TBX4: variants seen among roughly 807,000 people sequenced by gnomAD.
TBX4 encodes the protein T-box transcription factor TBX4.
A neutral mutation model predicts 54.6 loss-of-function variants in TBX4; 13 were observed. That is an observed-to-expected ratio of 0.24 (90% CI 0.15 to 0.38). TBX4 has a LOEUF of 0.38. Ranked by LOEUF, TBX4 falls within the 10% of genes least tolerant of loss-of-function variation. The probability of loss-of-function intolerance (pLI) is 1.00; values close to 1 mark genes in which losing one functional copy is unlikely to be tolerated. For missense variants in TBX4, 631 were observed against 728.5 expected, an observed-to-expected ratio of 0.87 and a Z score of 1.54; for synonymous variants, 314 against 306.7, an observed-to-expected ratio of 1.02 and a Z score of -0.25.
In TBX4 at chr17:61,465,630, CCA is replaced by C. The variant is rs1365274945; in HGVS notation, c.282-187_282-186del. ...AGGGGCTCAGAGACAGCAGCCAGTG[CCA>C]CCTTTTCACTGTGCAGCTCGGGCAG... On this transcript the variant is annotated intron_variant, in intron 3 of 8. Transcript: ENST00000644296. This position sits in a 1 kb window ranked among gnomAD's most constrained non-coding sequence, Gnocchi z 4.9. 6.6e-6 allele frequency among the ~76,000 whole-genome samples: 1 copy of C among 152,214 alleles called. No individual in the cohort carries two copies.
In TBX4 at chr17:61,478,359, C is replaced by A. The variant is rs1305128266; in HGVS notation, c.550-268C>A. 4 of 527,820 alleles carry A rather than the reference C, an allele frequency of 7.6e-6. No individual in the cohort carries two copies. Among genetic ancestry groups the A allele is most frequent in the Non-Finnish European group, 1.4e-5 (4 of 292,844 alleles). 32.7% of individuals were successfully genotyped at this position (527,820 alleles called of 1,614,324 possible). A position where few individuals can be genotyped will look rare whatever the true frequency, so the allele number is the denominator to read the frequency against. ...AAGGGCTGACTCAAGTTCTCCATTA[C>A]CACAGTGAATCAACTGGTCACATCA... On this transcript the variant is annotated intron_variant, in intron 5 of 8. Transcript: ENST00000644296. The surrounding 1 kb of genome is among the most constrained non-coding windows in gnomAD (Gnocchi z 7.4).
At chr17:61,453,583 TAAG>T (rs941058344) in intron 1 of TBX4, among the ~76,000 whole-genome samples, 10 of 152,142 alleles carry the variant, frequency 6.6e-5, no homozygotes, top group Non-Finnish European at 1.3e-4. Context: ...GGTTGAGTAA[TAAG>T]AAGTATTGTA....
In TBX4 at chr17:61,482,935, T is replaced by A. The variant is rs769630174; in HGVS notation, c.1060T>A (p.Ser354Thr). 1.2e-6 allele frequency: 2 copies of A among 1,613,916 alleles called. No homozygotes were observed. Among genetic ancestry groups the A allele is most frequent in the South Asian group, 2.2e-5 (2 of 91,026 alleles). The stretch of plus-strand genomic sequence containing the variant: ...CCACCTGGACTTACCTTGCAAGCGA[T>A]CCTATCTGGAAGCCCCCTCTTCGGT... Reference protein sequence around the residue: ...TRHLDLPCKRSYLEAPSSVGE... With the variant: ...TRHLDLPCKRTYLEAPSSVGE... The change falls in exon 9 of 9, where the codon TCC becomes ACC. Residue 354 changes from serine to threonine, a missense_variant. Coordinates refer to ENST00000644296, the MANE Select transcript of TBX4 (RefSeq NM_001321120.2).
chr17:61,481,298 AACACAGC>A lies in TBX4; in HGVS notation c.1021+980_1021+986del, dbSNP rs1259598483. ...TTTAGTGTCCATAAAGTTTTATTGGAACACAGCCATACCCATTTACTTACAGGTTGTC... is the reference window on the plus strand; with the variant it reads ...TTTAGTGTCCATAAAGTTTTATTGGACATACCCATTTACTTACAGGTTGTC... On this transcript the variant is annotated intron_variant, in intron 8 of 8. Coordinates refer to ENST00000644296, the MANE Select transcript of TBX4 (RefSeq NM_001321120.2). This position sits in a 1 kb window ranked among gnomAD's most constrained non-coding sequence, Gnocchi z 4.8. The A allele has an allele frequency of 1.3e-5, 2 of 152,256 alleles. No individual in the cohort carries two copies. The highest frequency in any genetic ancestry group is 4.8e-5 in the African/African-American group (2 of 41,462). The allele number at this position is 152,256 out of a possible 1,614,324, so 9.4% of individuals were successfully genotyped here.
chr17:61,455,547 C>T (rs1027600811), intron 1 of TBX4, among the ~76,000 whole-genome samples: 1 of 152,192 alleles, frequency 6.6e-6, no homozygotes, highest in Non-Finnish European at 1.5e-5. Context: ...CCTGAGTAGG[C>T]GAGGGAATCA....
At position 61,476,243 on chromosome 17, in the gene TBX4, C is replaced by T. The variant is rs1020802543; in HGVS notation, c.550-2384C>T. Among the ~76,000 whole-genome samples, 8 of 152,200 alleles carry T rather than the reference C, an allele frequency of 5.3e-5. No individual in the cohort carries two copies. The highest frequency in any genetic ancestry group is 1.7e-4 in the African/African-American group (7 of 41,446). On this transcript the variant is annotated intron_variant, in intron 5 of 8. Transcript: ENST00000644296. The surrounding 1 kb of genome is among the most constrained non-coding windows in gnomAD (Gnocchi z 6.5). ...ATGAGAAGTAAGTTTCAGAACTGGG[C>T]GTTCAGAGCAGGCCCTTGTACCTGA... is the stretch of plus-strand genomic sequence containing the variant.
intron 1 of TBX4, among the ~76,000 whole-genome samples, chr17:61,453,389 T>C (rs2143782394): frequency 6.6e-6 from 1 of 152,258 alleles, no homozygotes; most frequent in East Asian, 1.9e-4. Context: ...AGGGAAATAC[T>C]ATTAGTGGTA....
chr17:61,465,219 G>A lies in TBX4; in HGVS notation c.282-600G>A, dbSNP rs750417532. On this transcript the variant is annotated intron_variant, in intron 3 of 8. Transcript: ENST00000644296. The surrounding 1 kb of genome is among the most constrained non-coding windows in gnomAD (Gnocchi z 4.9). Reference sequence around the variant, plus strand: ...GGTGTTCACAGGGAGAAGTACCCCCGATAGACACACTGGAAGAACCCAAAC... The same window carrying A: ...GGTGTTCACAGGGAGAAGTACCCCCAATAGACACACTGGAAGAACCCAAAC... Among the ~76,000 whole-genome samples the A allele has an allele frequency of 2.6e-5, 4 of 152,146 alleles. No individual in the cohort carries two copies. The highest frequency in any genetic ancestry group is 6.5e-5 in the Admixed American group (1 of 15,286).
rs768224294 is a variant in TBX4 at position 61,483,042 on chromosome 17, C to T, written c.1167C>T (p.Pro389=). The T allele has an allele frequency of 1.2e-6, 2 of 1,614,132 alleles. No homozygotes were observed. The highest frequency in any genetic ancestry group is 4.5e-5 in the East Asian group (2 of 44,872). ...LSPSYCSEVT[P]REACMYSGSG... is the part of the protein sequence containing the mutation. ...CCTCCTACTGCAGTGAGGTGACCCC[C>T]AGAGAAGCATGTATGTACTCAGGTT... is the stretch of plus-strand genomic sequence containing the variant. The change falls in exon 9 of 9, where the codon CCC becomes CCT. Residue 389 remains proline, a synonymous_variant. Transcript: ENST00000644296. The surrounding 1 kb of genome is among the most constrained non-coding windows in gnomAD (Gnocchi z 6.6).
chr17:61,457,520 C>A lies in TBX4; in HGVS notation c.187-17C>A, dbSNP rs770298100. 2 of 1,611,972 alleles carry A rather than the reference C, an allele frequency of 1.2e-6. No individual in the cohort carries two copies. Among genetic ancestry groups the A allele is most frequent in the African/African-American group, 2.7e-5 (2 of 74,876 alleles). On this transcript the variant is annotated splice_polypyrimidine_tract_variant and intron_variant, in intron 2 of 8. Transcript: ENST00000644296. The surrounding 1 kb of genome is among the most constrained non-coding windows in gnomAD (Gnocchi z 8.2). ...CTGGGCCTGGCAGACACAAGTTTCTCTCCCTCCCATCCCCAGACCATCGAG... is the reference window on the plus strand; with the variant it reads ...CTGGGCCTGGCAGACACAAGTTTCTATCCCTCCCATCCCCAGACCATCGAG...
rs903646973 is a variant in TBX4 at position 61,480,816 on chromosome 17, G to A, written c.1021+497G>A. Reference sequence around the variant, plus strand: ...AGAGGCTGCTTGAGAGTTGAGATGAGCTATTGTGGATGTAGGTGGGGGCTG... The same window carrying A: ...AGAGGCTGCTTGAGAGTTGAGATGAACTATTGTGGATGTAGGTGGGGGCTG... On this transcript the variant is annotated intron_variant, in intron 8 of 8. Transcript: ENST00000644296. The surrounding 1 kb of genome is among the most constrained non-coding windows in gnomAD (Gnocchi z 6.2). Among the ~76,000 whole-genome samples the A allele has an allele frequency of 7.9e-5, 12 of 152,190 alleles. No homozygotes were observed. Among genetic ancestry groups the A allele is most frequent in the African/African-American group, 2.9e-4 (12 of 41,440 alleles).
chr17:61,461,824 T>C lies in TBX4; in HGVS notation c.282-3995T>C, dbSNP rs1313953852. Among the ~76,000 whole-genome samples the C allele has an allele frequency of 6.6e-6, 1 of 151,862 alleles. No homozygotes were observed. The highest frequency in any genetic ancestry group is 1.5e-5 in the Non-Finnish European group (1 of 67,924). ...CCCTTCTGGCTGGTGTTCCCCTACATTAAGGGAGGGTCCGTGTAGCTGTTC... is the reference window on the plus strand; with the variant it reads ...CCCTTCTGGCTGGTGTTCCCCTACACTAAGGGAGGGTCCGTGTAGCTGTTC... On this transcript the variant is annotated intron_variant, in intron 3 of 8. Coordinates refer to ENST00000644296, the MANE Select transcript of TBX4 (RefSeq NM_001321120.2). This position sits in a 1 kb window ranked among gnomAD's most constrained non-coding sequence, Gnocchi z 5.1.
rs2060611464 is a variant in TBX4 at position 61,475,236 on chromosome 17, G to A, written c.550-3391G>A. ...TAGTCATCAGGGACTTTGTCTGACGGGCTAAGGAGTTTGGCCTTTATTCCA... is the reference window on the plus strand; with the variant it reads ...TAGTCATCAGGGACTTTGTCTGACGAGCTAAGGAGTTTGGCCTTTATTCCA... On this transcript the variant is annotated intron_variant, in intron 5 of 8. Transcript: ENST00000644296. This position sits in a 1 kb window ranked among gnomAD's most constrained non-coding sequence, Gnocchi z 5.0. Among the ~76,000 whole-genome samples, 1 of 152,208 alleles carries A rather than the reference G, an allele frequency of 6.6e-6. No individual in the cohort carries two copies. The highest frequency in any genetic ancestry group is 2.4e-5 in the African/African-American group (1 of 41,440).
intron 1 of TBX4, among the ~76,000 whole-genome samples, chr17:61,454,311 A>G (rs2060432005): frequency 6.6e-6 from 1 of 152,278 alleles, no homozygotes; most frequent in Non-Finnish European, 1.5e-5. Flanking sequence ...AAATGAAAAG[A>G]GAAATGCTGT....
In TBX4 at chr17:61,465,252, G is replaced by C. The variant is rs1055531663; in HGVS notation, c.282-567G>C. Among the ~76,000 whole-genome samples, 3 of 152,170 alleles carry C rather than the reference G, an allele frequency of 2.0e-5. No homozygotes were observed. Among genetic ancestry groups the C allele is most frequent in the African/African-American group, 7.2e-5 (3 of 41,434 alleles). On this transcript the variant is annotated intron_variant, in intron 3 of 8. Coordinates refer to ENST00000644296, the MANE Select transcript of TBX4 (RefSeq NM_001321120.2). This position sits in a 1 kb window ranked among gnomAD's most constrained non-coding sequence, Gnocchi z 4.9. ...CACTGGAAGAACCCAAACCTAGCAGGGTTTTGGACAGCAGTCTCCTGTTTT... is the reference window on the plus strand; with the variant it reads ...CACTGGAAGAACCCAAACCTAGCAGCGTTTTGGACAGCAGTCTCCTGTTTT...
At chr17:61,477,594 T>C (rs1185903042) in intron 5 of TBX4, among the ~76,000 whole-genome samples, 1 of 152,206 alleles carries the variant, frequency 6.6e-6, no homozygotes, top group East Asian at 1.9e-4. Context: ...GAAGGCAGGA[T>C]ACATTTGGGT....
intron 5 of TBX4, among the ~76,000 whole-genome samples, chr17:61,477,955 A>AG (rs1277271257): frequency 6.6e-6 from 1 of 151,420 alleles, no homozygotes; most frequent in East Asian, 1.9e-4. Flanking sequence ...AAAAAAAAAA[A>AG]AAAAGAAAAA....
rs1263208378 is a variant in TBX4 at position 61,479,413 on chromosome 17, A to G, written c.703-468A>G. 6.6e-6 allele frequency among the ~76,000 whole-genome samples: 1 copy of G among 152,204 alleles called. No individual in the cohort carries two copies. The highest frequency in any genetic ancestry group is 1.5e-5 in the Non-Finnish European group (1 of 68,036). On this transcript the variant is annotated intron_variant, in intron 6 of 8. Transcript: ENST00000644296. This position sits in a 1 kb window ranked among gnomAD's most constrained non-coding sequence, Gnocchi z 6.1. Reference sequence around the variant, plus strand: ...GCCGTGGCTGTGGTGGATTTTAGGCAGAAGAGTGACAGAGTCGGAACTGCA... The same window carrying G: ...GCCGTGGCTGTGGTGGATTTTAGGCGGAAGAGTGACAGAGTCGGAACTGCA...
At chr17:61,477,205 G>C (rs1440868584) in intron 5 of TBX4, among the ~76,000 whole-genome samples, 1 of 152,230 alleles carries the variant, frequency 6.6e-6, no homozygotes, top group African/African-American at 2.4e-5. Flanking sequence ...AAGCCGCAGG[G>C]CTGATAAAAT....
Sources: allele counts gnomAD v4.1 joint callset (sites outside exome capture counted in the v4.1 genomes callset), GRCh38; gene constraint gnomAD v4.1.1; non-coding constraint Gnocchi (gnomAD v3.1); transcripts MANE v1.5; gene names NCBI Gene and HGNC (gene_info 2026-07-23, HGNC 2026-07-21).